Variants in KIAA1755 observed in about 807,000 individuals in gnomAD.
The protein encoded by KIAA1755 is uncharacterized protein KIAA1755.
Under a neutral mutation model 91.7 loss-of-function variants are expected in KIAA1755, and 68 were observed. The observed-to-expected ratio is 0.74, with a 90% CI of 0.61 to 0.91. The LOEUF (loss-of-function observed/expected upper bound fraction) is 0.91, where lower values mean the gene tolerates loss of function less well. Among genes scored for constraint, KIAA1755 ranks in the 40% least tolerant of loss-of-function variants. The pLI is 0.00. For missense variants in KIAA1755, 1,535 were observed against 1,494.4 expected, an observed-to-expected ratio of 1.03 and a Z score of -0.45; for synonymous variants, 610 against 604.6, an observed-to-expected ratio of 1.01 and a Z score of -0.13.
intron 10 of KIAA1755, among the ~76,000 whole-genome samples, chr20:38,220,569 C>T (rs930613212): frequency 1.3e-5 from 2 of 152,188 alleles, no homozygotes; most frequent in Admixed American, 6.5e-5. Context: ...CTGCCTCAGC[C>T]TCCAAAAGTG....
intron 1 of KIAA1755, among the ~76,000 whole-genome samples, chr20:38,253,774 G>T (rs117141872): frequency 0.022 from 3,389 of 152,306 alleles, 60 homozygotes; most frequent in East Asian, 0.065. Context: ...TTATAATTAG[G>T]AGGGGAAAAA....
chr20:38,223,537 C>T lies in KIAA1755; in HGVS notation c.2268+1G>A, dbSNP rs753388316. On this transcript the variant is annotated splice_donor_variant, in intron 9 of 13. Transcript: ENST00000279024. LOFTEE classifies it high-confidence loss of function. ...CCCCAGTCACCATGCTCCAGGCTCA[C>T]CTGCATCCCCCCAGGGGGGTCGGCC... 1.5e-5 allele frequency: 23 copies of T among 1,576,510 alleles called. No homozygotes were observed. Among genetic ancestry groups the T allele is most frequent in the Admixed American group, 1.9e-5 (1 of 51,790 alleles).
At chr20:38,244,353 G>A (rs139458288) in intron 2 of KIAA1755, among the ~76,000 whole-genome samples, 1 of 152,186 alleles carries the variant, frequency 6.6e-6, no homozygotes, top group Admixed American at 6.5e-5. Flanking sequence ...TATGAGCCAG[G>A]CTCTGTGCTA....
At chr20:38,217,528 C>T in intron 12 of KIAA1755, 54 bp from the exon 13 acceptor site, 1 of 1,364,216 alleles carries the variant, frequency 7.3e-7, no homozygotes, top group Non-Finnish European at 1.0e-6. Context: ...GCTGGGGCCT[C>T]CCTCGGAGGT....
At position 38,246,099 on chromosome 20, in the gene KIAA1755, G is replaced by A. The variant is rs763933476; in HGVS notation, c.31C>T (p.Gln11Ter). 1 of 1,613,802 alleles carries A rather than the reference G, an allele frequency of 6.2e-7. No individual in the cohort carries two copies. The highest frequency in any genetic ancestry group is 1.1e-5 in the South Asian group (1 of 91,056). Reference sequence around the variant, plus strand: ...GGATAGAGGCCCGCCAGGGCATGCTGGATGGCTGTGTCGAGGGATGGAGGG... The same window carrying A: ...GGATAGAGGCCCGCCAGGGCATGCTAGATGGCTGTGTCGAGGGATGGAGGG... MDPPSLDTAIQHALAGLYPPF... is the reference protein window; with the variant it reads MDPPSLDTAI Residue 11 changes from glutamine (Q) to a stop codon, truncating the protein, a stop_gained, in exon 2 of 14, where the codon CAG becomes TAG. Transcript: ENST00000279024. LOFTEE classifies it high-confidence loss of function.
intron 10 of KIAA1755, among the ~76,000 whole-genome samples, chr20:38,220,199 T>C (rs2075631393): frequency 6.6e-6 from 1 of 152,070 alleles, no homozygotes; most frequent in African/African-American, 2.4e-5. Flanking sequence ...ACTCTAGCTA[T>C]ACATTATAAC....
rs572860259 is a variant in KIAA1755 at position 38,248,829 on chromosome 20, G to A, written c.4-2703C>T. ...TTCTCCTGCCTCAGCCCGAGTAGCTGGAATTACAGGGATGAGCCACCGTGC... is the reference window on the plus strand; with the variant it reads ...TTCTCCTGCCTCAGCCCGAGTAGCTAGAATTACAGGGATGAGCCACCGTGC... On this transcript the variant is annotated intron_variant, in intron 1 of 13. Transcript: ENST00000279024. Among the ~76,000 whole-genome samples, 12 of 151,402 alleles carry A rather than the reference G, an allele frequency of 7.9e-5. No individual in the cohort carries two copies. The South Asian group carries it at 2.1e-3, about 26-fold the overall frequency.
At chr20:38,217,778 G>A in intron 12 of KIAA1755, 1 of 522,240 alleles carries the variant, frequency 1.9e-6, no homozygotes. Context: ...TGACTCCAAA[G>A]GCTCCTGCTC....
At chr20:38,217,183 A>G (rs2075560295) in intron 13 of KIAA1755, 70 bp downstream of exon 13, 41 of 1,354,256 alleles carry the variant, frequency 3.0e-5, no homozygotes, top group Non-Finnish European at 4.2e-5. Context: ...GTGTCTAGGT[A>G]TCCCTGTCCC....
chr20:38,256,226 T>A (rs991089964), intron 1 of KIAA1755, among the ~76,000 whole-genome samples: 3 of 152,114 alleles, frequency 2.0e-5, no homozygotes, highest in African/African-American at 7.2e-5. Flanking sequence ...AACACAGAGA[T>A]CCAACTGTGA....
chr20:38,240,973 A>G lies in KIAA1755; in HGVS notation c.1158T>C (p.Gly386=). 6.2e-7 allele frequency: 1 copy of G among 1,614,086 alleles called. No individual in the cohort carries two copies. Among genetic ancestry groups the G allele is most frequent in the Non-Finnish European group, 8.5e-7 (1 of 1,180,000 alleles). Residue 386 remains glycine (G), a synonymous_variant, in exon 3 of 14, where the codon GGT becomes GGC. Transcript: ENST00000279024. The stretch of plus-strand genomic sequence containing the variant: ...GCTCTTGTGAGACACCTGCCCTGAG[A>G]CCAGAGGCACAGTCCAGTGCGTCCT... ...VLEDALDCAS[G]LRAGVSQEPA... is the part of the protein sequence containing the mutation.
At chr20:38,221,348 G>T (rs1300890109) in intron 10 of KIAA1755, among the ~76,000 whole-genome samples, 2 of 152,188 alleles carry the variant, frequency 1.3e-5, no homozygotes, top group African/African-American at 4.8e-5. Context: ...TGGTGGGGCA[G>T]GTAAGGGTGG....
intron 8 of KIAA1755, 92 bp from the exon 9 acceptor site, chr20:38,223,728 G>A (rs1410901415): frequency 1.1e-6 from 1 of 891,912 alleles, no homozygotes; most frequent in Non-Finnish European, 1.7e-6. Flanking sequence ...GAGGTGGGAG[G>A]CAGTGGCTCT....
intron 4 of KIAA1755, among the ~76,000 whole-genome samples, chr20:38,234,493 T>C (rs2075922768): frequency 6.6e-6 from 1 of 152,192 alleles, no homozygotes; most frequent in Non-Finnish European, 1.5e-5. Context: ...GGATAATCAA[T>C]GTCTGTGATT....
At chr20:38,253,676 C>T (rs772193775) in intron 1 of KIAA1755, among the ~76,000 whole-genome samples, 2 of 152,188 alleles carry the variant, frequency 1.3e-5, no homozygotes, top group Non-Finnish European at 2.9e-5. Flanking sequence ...GAGGGCTGTG[C>T]GGGGCAGGGG....
At chr20:38,259,439 CTG>C (rs2123374583) in intron 1 of KIAA1755, among the ~76,000 whole-genome samples, 1 of 149,484 alleles carries the variant, frequency 6.7e-6, no homozygotes, top group Non-Finnish European at 1.5e-5. Flanking sequence ...CAGGTGTGCT[CTG>C]TGCGTGCATG....
chr20:38,245,339 G>T (rs2076138518), intron 2 of KIAA1755, among the ~76,000 whole-genome samples: 1 of 152,266 alleles, frequency 6.6e-6, no homozygotes, highest in Admixed American at 6.5e-5. Context: ...GGACAGAAAG[G>T]ATCTTCAAGG....
intron 13 of KIAA1755, among the ~76,000 whole-genome samples, chr20:38,216,114 A>G (rs1258460602): frequency 1.3e-5 from 2 of 152,244 alleles, no homozygotes; most frequent in African/African-American, 2.4e-5. Context: ...CATAAGAACT[A>G]CACGGCCATT....
In KIAA1755 at chr20:38,213,744, C is replaced by G; in HGVS notation, c.2902-1G>C. The G allele has an allele frequency of 6.8e-7, 1 of 1,459,934 alleles. No homozygotes were observed. Among genetic ancestry groups the G allele is most frequent in the Non-Finnish European group, 9.0e-7 (1 of 1,106,050 alleles). 90.4% of individuals were successfully genotyped at this position (1,459,934 alleles called of 1,614,324 possible). A position where few individuals can be genotyped will look rare whatever the true frequency, so the allele number is the denominator to read the frequency against. On this transcript the variant is annotated splice_acceptor_variant, in intron 13 of 13. Transcript: ENST00000279024. LOFTEE classifies it high-confidence loss of function. ...GACAGTCCATGTGGAACCAGGTCATCTGGGGGACAAGAAGAGAGGGAGGTG... is the reference window on the plus strand; with the variant it reads ...GACAGTCCATGTGGAACCAGGTCATGTGGGGGACAAGAAGAGAGGGAGGTG...
Sources: gnomAD v4.1 joint callset for allele counts (sites outside exome capture counted in the v4.1 genomes callset) on GRCh38, gnomAD v4.1.1 for gene constraint, MANE v1.5 for transcripts, NCBI Gene and HGNC (gene_info 2026-07-23, HGNC 2026-07-21) for gene names.